Variants in MEIOB observed in about 807,000 individuals in gnomAD.
MEIOB encodes meiosis specific with OB-fold.
In MEIOB, 50 loss-of-function variants were observed where a neutral mutation model predicts 53.1. That is an observed-to-expected ratio of 0.94 (90% CI 0.75 to 1.19). The LOEUF is 1.19. Among genes scored for constraint, MEIOB ranks in the 50% most tolerant of loss-of-function variants. The pLI is 0.00. For synonymous variants in MEIOB, 192 were observed against 182.5 expected (o/e 1.05, Z -0.42); for missense variants, 551 against 550.8 (o/e 1.00, Z 0.00).
chr16:1,846,299 G>A (rs1899025012), intron 9 of MEIOB, among the ~76,000 whole-genome samples: 1 of 152,098 alleles, frequency 6.6e-6, no homozygotes, highest in African/African-American at 2.4e-5. Flanking sequence ...GGCAGGGATG[G>A]GTGGGTACCA....
intron 9 of MEIOB, among the ~76,000 whole-genome samples, chr16:1,848,496 A>T (rs1227339897): frequency 2.6e-5 from 4 of 151,226 alleles, no homozygotes; most frequent in Non-Finnish European, 5.9e-5. Flanking sequence ...CAGCAATAGC[A>T]ATAAGGAGAA....
At chr16:1,853,302 T>C in intron 7 of MEIOB, 31 bp from the exon 8 acceptor site, 3 of 1,457,920 alleles carry the variant, frequency 2.1e-6, no homozygotes, top group South Asian at 1.2e-5. Context: ...GTAATACAAA[T>C]TGAATACACT....
At chr16:1,854,659 A>C (rs543623485) in intron 6 of MEIOB, among the ~76,000 whole-genome samples, 2 of 152,158 alleles carry the variant, frequency 1.3e-5, no homozygotes, top group Non-Finnish European at 2.9e-5. Context: ...GTGGTATAAA[A>C]AGTGTCCACA....
At chr16:1,861,311 T>C (rs953211182) in intron 4 of MEIOB, among the ~76,000 whole-genome samples, 4 of 152,170 alleles carry the variant, frequency 2.6e-5, no homozygotes, top group Non-Finnish European at 4.4e-5. Flanking sequence ...AATTTAAATA[T>C]CAGTTTTTAT....
intron 1 of MEIOB, 64 bp from the exon 2 acceptor site, chr16:1,868,248 A>C (rs941985150): frequency 1.1e-6 from 1 of 941,282 alleles, no homozygotes; most frequent in Non-Finnish European, 1.6e-6. Flanking sequence ...CATTTAAAAA[A>C]TTCCAAGAGT....
chr16:1,852,477 G>A (rs1380550049), intron 9 of MEIOB, among the ~76,000 whole-genome samples: 1 of 151,568 alleles, frequency 6.6e-6, no homozygotes, highest in Non-Finnish European at 1.5e-5. Context: ...TGGCCAGGAT[G>A]GTCTCAATCT....
chr16:1,859,357 C>T (rs1382339539), intron 5 of MEIOB, among the ~76,000 whole-genome samples: 1 of 152,060 alleles, frequency 6.6e-6, no homozygotes, highest in Non-Finnish European at 1.5e-5. Flanking sequence ...GCCTGGCCAA[C>T]ATAGCAAAAC....
intron 7 of MEIOB, 122 bp downstream of exon 7, chr16:1,853,978 T>G: frequency 1.5e-6 from 1 of 666,632 alleles, no homozygotes; most frequent in South Asian, 1.8e-5. Context: ...TTTTTTAAAA[T>G]ATCATTCATC....
intron 3 of MEIOB, 75 bp downstream of exon 3, chr16:1,865,703 C>G: frequency 9.5e-7 from 1 of 1,052,982 alleles, no homozygotes; most frequent in Non-Finnish European, 1.4e-6. Context: ...AAAAATTAAT[C>G]ACTTCAATAT....
At chr16:1,853,012 G>A (rs1197938086) in intron 9 of MEIOB, 27 bp downstream of exon 9, 2 of 1,342,140 alleles carry the variant, frequency 1.5e-6, no homozygotes, top group East Asian at 2.3e-5. Flanking sequence ...TTTCCAAAGG[G>A]ATAAAAGGTT....
intron 3 of MEIOB, among the ~76,000 whole-genome samples, chr16:1,864,518 C>A (rs557200983): frequency 3.2e-4 from 44 of 136,362 alleles, no homozygotes; most frequent in African/African-American, 1.2e-3. Context: ...GACAGAGTTT[C>A]ACTCTTGCTG....
At chr16:1,839,606 C>T (rs1245374253) in intron 11 of MEIOB, 168 bp from the exon 12 acceptor site, 2 of 586,244 alleles carry the variant, frequency 3.4e-6, no homozygotes, top group Non-Finnish European at 5.7e-6. Context: ...GTAAAACACA[C>T]TTTCTACGCA....
At chr16:1,871,231 G>GTTTTC (rs1555473468) in intron 1 of MEIOB, among the ~76,000 whole-genome samples, 1 of 151,494 alleles carries the variant, frequency 6.6e-6, no homozygotes, top group South Asian at 2.1e-4. Context: ...GTTTTGTTTT[G>GTTTTC]TTTTTTGAGA....
At chr16:1,843,101 T>C (rs537555394) in intron 10 of MEIOB, among the ~76,000 whole-genome samples, 1 of 150,928 alleles carries the variant, frequency 6.6e-6, no homozygotes, top group South Asian at 2.1e-4. Context: ...GCGACCATCC[T>C]GGCTAACATG....
At chr16:1,857,038 A>T (rs750080686) in intron 6 of MEIOB, among the ~76,000 whole-genome samples, 15 of 152,210 alleles carry the variant, frequency 9.9e-5, no homozygotes, top group Non-Finnish European at 1.5e-4. Flanking sequence ...CTAGGATCAC[A>T]GGTGTAAGCC....
Position 1,837,769 on chromosome 16 carries a change from A to G in MEIOB, c.1305+15T>C, listed in dbSNP as rs1430931737. 2.2e-6 allele frequency: 3 copies of G among 1,336,196 alleles called. No individual in the cohort carries two copies. The African/African-American group carries it at 4.5e-5, about 20-fold the overall frequency. The allele number at this position is 1,336,196 out of a possible 1,614,324, so 82.8% of individuals were successfully genotyped here. ...TAAATATATAGAATAATATGGGACT[A>G]TAAAATGCACTAACTTTTAAATAAA... On this transcript the variant is annotated intron_variant, in intron 13 of 13. Coordinates refer to ENST00000325962, the MANE Select transcript of MEIOB (RefSeq NM_001163560.3).
chr16:1,836,767 C>G (rs549839073), intron 13 of MEIOB, among the ~76,000 whole-genome samples: 26 of 147,354 alleles, frequency 1.8e-4, no homozygotes, highest in Non-Finnish European at 2.8e-4. Flanking sequence ...CATAATAACA[C>G]TAATTCTCTC....
intron 6 of MEIOB, among the ~76,000 whole-genome samples, chr16:1,855,159 A>C (rs5006378): frequency 0.83 from 125,483 of 152,014 alleles, 51,920 homozygotes; most frequent in Middle Eastern, 0.9. Context: ...AGTGGCCGGG[A>C]GGGGTGGCTC....
chr16:1,866,785 A>C (rs377753694), intron 2 of MEIOB, among the ~76,000 whole-genome samples: 38 of 152,330 alleles, frequency 2.5e-4, no homozygotes, highest in African/African-American at 8.2e-4. Flanking sequence ...AAAGGAAAAA[A>C]ACTAAACTTA....
Sources: allele counts gnomAD v4.1 joint callset (sites outside exome capture counted in the v4.1 genomes callset), GRCh38; gene constraint gnomAD v4.1.1; transcripts MANE v1.5; gene names NCBI Gene and HGNC (gene_info 2026-07-23, HGNC 2026-07-21).